PTPRB: variants seen among roughly 807,000 people sequenced by gnomAD.
The protein encoded by PTPRB is protein tyrosine phosphatase receptor type B, also known as receptor-type tyrosine-protein phosphatase beta.
PTPRB carries 97 observed loss-of-function variants against 238.1 expected under a neutral mutation model. The ratio of observed to expected loss-of-function variants is 0.41; its 90% confidence interval spans 0.35 to 0.48. The LOEUF (loss-of-function observed/expected upper bound fraction) is 0.48, where lower values mean the gene tolerates loss of function less well. Ranked by LOEUF, PTPRB falls within the 20% of genes least tolerant of loss-of-function variation. The pLI is 0.30. For synonymous variants in PTPRB, 970 were observed against 995.4 expected (o/e 0.97, Z 0.48); for missense variants, 2,292 against 2,681.9 (o/e 0.85, Z 3.21).
At chr12:70,609,873 G>T (rs1884307181) in intron 3 of PTPRB, 5 of 1,523,666 alleles carry the variant, frequency 3.3e-6, no homozygotes, top group Non-Finnish European at 4.4e-6. Flanking sequence ...GACGGCCCGA[G>T]GGCCGGGGCA....
chr12:70,533,733 A>C (rs1031929265), intron 31 of PTPRB, among the ~76,000 whole-genome samples: 2 of 152,154 alleles, frequency 1.3e-5, no homozygotes, highest in Non-Finnish European at 2.9e-5. Context: ...CTTGTGAAAC[A>C]GTTGGAGGGA....
chr12:70,609,939 C>T, intron 3 of PTPRB: 4 of 809,976 alleles, frequency 4.9e-6, no homozygotes, highest in Non-Finnish European at 6.8e-6. Flanking sequence ...GCGCTTCCCT[C>T]GGGGCTGGCG....
chr12:70,637,259 T>C (rs1885748246), intron 1 of PTPRB, 82 bp downstream of exon 1: 2 of 1,324,486 alleles, frequency 1.5e-6, no homozygotes, highest in East Asian at 2.5e-5. Context: ...CCTTCTACCT[T>C]ATTTCAGACA....
chr12:70,523,242 A>G (rs1046849991), intron 33 of PTPRB, among the ~76,000 whole-genome samples: 4 of 138,376 alleles, frequency 2.9e-5, no homozygotes, highest in East Asian at 2.2e-4. Context: ...GTAGCCTTCA[A>G]CTCCTGGGCT....
At chr12:70,586,832 A>G (rs2136443503) in intron 9 of PTPRB, among the ~76,000 whole-genome samples, 175 bp downstream of exon 9, 1 of 152,364 alleles carries the variant, frequency 6.6e-6, no homozygotes, top group Non-Finnish European at 1.5e-5. Context: ...AAAAAGAAGG[A>G]ACTAATAAAG....
At chr12:70,536,293 T>TGTCAATGCTTGGGA (rs1874115025) in intron 28 of PTPRB, 134 bp from the exon 29 acceptor site, 1 of 1,018,998 alleles carries the variant, frequency 9.8e-7, no homozygotes, top group East Asian at 2.6e-5. Context: ...CTAACACAAG[T>TGTCAATGCTTGGGA]GTCAATGCTT....
intron 2 of PTPRB, among the ~76,000 whole-genome samples, chr12:70,624,753 A>C (rs1885101826): frequency 2.6e-5 from 4 of 152,166 alleles, no homozygotes; most frequent in Admixed American, 2.6e-4. Context: ...CCGTGGGGTT[A>C]GGACAAAAAC....
intron 32 of PTPRB, among the ~76,000 whole-genome samples, chr12:70,530,758 T>G (rs1873116092): frequency 6.6e-6 from 1 of 152,184 alleles, no homozygotes; most frequent in African/African-American, 2.4e-5. Flanking sequence ...AAAAATTTTT[T>G]GTGGAGATGG....
chr12:70,611,654 G>A (rs1425831378), intron 3 of PTPRB, among the ~76,000 whole-genome samples: 2 of 152,100 alleles, frequency 1.3e-5, no homozygotes, highest in African/African-American at 4.8e-5. Flanking sequence ...ATGAAAAAAC[G>A]AAGTTTCTTC....
At chr12:70,538,390 C>T (rs559197391) in intron 27 of PTPRB, 159 bp from the exon 28 acceptor site, 1 of 592,696 alleles carries the variant, frequency 1.7e-6, no homozygotes, top group African/African-American at 1.9e-5. Context: ...ACTAACTTGC[C>T]CCATGTTGCA....
chr12:70,613,188 T>C (rs1195953116), intron 3 of PTPRB, among the ~76,000 whole-genome samples: 1 of 151,988 alleles, frequency 6.6e-6, no homozygotes, highest in Admixed American at 6.6e-5. Flanking sequence ...CAGAGTAGAC[T>C]GGTTAGGTTA....
chr12:70,534,633 G>A lies in PTPRB; in HGVS notation c.6223C>T (p.His2075Tyr). Reference protein sequence around the residue: ...KICGEEQLDAHRLIRHFHYTV... With the variant: ...KICGEEQLDAYRLIRHFHYTV... ...TAGTGAAAGTGGCGGATGAGTCTGT[G>A]TGCATCAAGCTGTTCCTCCTGTAAG... Residue 2075 changes from histidine (H) to tyrosine (Y), a missense_variant, in exon 31 of 34, where the codon CAC (histidine) becomes TAC (tyrosine). His to Tyr is a moderately conservative substitution (Grantham distance 83). This residue lies in a region of PTPRB where 397 missense variants were observed against 502.0 expected (regional missense o/e 0.79). Transcript: ENST00000334414. 1.9e-6 allele frequency: 3 copies of A among 1,612,460 alleles called. No individual in the cohort carries two copies. The highest frequency in any genetic ancestry group is 2.5e-6 in the Non-Finnish European group (3 of 1,179,298).
At chr12:70,561,084 G>C (rs1878423721) in intron 16 of PTPRB, 150 bp from the exon 17 acceptor site, 2 of 817,242 alleles carry the variant, frequency 2.4e-6, no homozygotes, top group African/African-American at 1.7e-5. Context: ...TTAACTTTAA[G>C]GGCATATGGA....
intron 4 of PTPRB, 27 bp from the exon 5 acceptor site, chr12:70,596,354 C>G: frequency 8.9e-7 from 1 of 1,122,540 alleles, no homozygotes; most frequent in Non-Finnish European, 1.1e-6. Context: ...CACACACACA[C>G]AAAAAAAAAA....
At position 70,576,415 on chromosome 12, in the gene PTPRB, A is replaced by T; in HGVS notation, c.2809T>A (p.Tyr937Asn). 6.2e-7 allele frequency: 1 copy of T among 1,611,394 alleles called. No homozygotes were observed. The change falls in exon 11 of 34, where the codon TAT (tyrosine) becomes AAT (asparagine). Residue 937 changes from tyrosine (Y) to asparagine (N), a missense_variant. Tyr to Asn is a moderately radical substitution (Grantham distance 143). Transcript: ENST00000334414. ...TCTTGGCTGAAGGAGTGATTTTCAT[A>T]CTTGCCACTCCTTGTAGTTATGGTC... ...TVTITTRSGK[Y>N]ENHSFSQERT...
intron 4 of PTPRB, among the ~76,000 whole-genome samples, chr12:70,597,639 A>G (rs1883146579): frequency 6.6e-6 from 1 of 152,200 alleles, no homozygotes; most frequent in South Asian, 2.1e-4. Flanking sequence ...GGGTCAGGTC[A>G]GATATTATAA....
In PTPRB at chr12:70,532,494, T is replaced by G. The variant is rs1156745129; in HGVS notation, c.6369-324A>C. ...TCTATAAACATTTATGTTTGAAAAATCTACTGAAATGGTAACATATGTGCT... is the reference window on the plus strand; with the variant it reads ...TCTATAAACATTTATGTTTGAAAAAGCTACTGAAATGGTAACATATGTGCT... On this transcript the variant is annotated intron_variant, in intron 31 of 33. Coordinates refer to ENST00000334414, the MANE Select transcript of PTPRB (RefSeq NM_001109754.4). 3.9e-5 allele frequency among the ~76,000 whole-genome samples: 6 copies of G among 152,320 alleles called. 1 individual carries two copies. The East Asian group carries it at 7.7e-4, about 20-fold the overall frequency.
At chr12:70,623,844 C>A (rs1483697551) in intron 2 of PTPRB, among the ~76,000 whole-genome samples, 1 of 152,124 alleles carries the variant, frequency 6.6e-6, no homozygotes, top group Admixed American at 6.6e-5. Context: ...ATCTGTTCTG[C>A]CTTACTTAGC....
intron 5 of PTPRB, among the ~76,000 whole-genome samples, chr12:70,594,950 C>T (rs1882858259): frequency 6.6e-6 from 1 of 152,040 alleles, no homozygotes; most frequent in African/African-American, 2.4e-5. Flanking sequence ...GTCTGCCTCC[C>T]CCACTTAATA....
Sources: gnomAD v4.1 joint callset for allele counts (sites outside exome capture counted in the v4.1 genomes callset) on GRCh38, gnomAD v4.1.1 for gene constraint, gnomAD v4.1.1 regional missense constraint, MANE v1.5 for transcripts, NCBI Gene and HGNC (gene_info 2026-07-23, HGNC 2026-07-21) for gene names.